The following TUSC3 variants were observed in gnomAD, a reference collection of about 807,000 sequenced individuals.
TUSC3 encodes the protein dolichyl-diphosphooligosaccharide--protein glycosyltransferase subunit TUSC3.
TUSC3 carries 45 observed loss-of-function variants against 44.8 expected under a neutral mutation model. That is an observed-to-expected ratio of 1.00 (90% CI 0.79 to 1.29). The LOEUF is 1.29. Among genes scored for constraint, TUSC3 ranks in the 50% most tolerant of loss-of-function variants. TUSC3 has a pLI of 0.00. For missense variants in TUSC3, 519 were observed against 437.9 expected, an observed-to-expected ratio of 1.19 and a Z score of -1.65; for synonymous variants, 212 against 152.9, an observed-to-expected ratio of 1.39 and a Z score of -2.85.
At chr8:15,582,727 G>C (rs1274750638) in intron 1 of TUSC3, among the ~76,000 whole-genome samples, 1 of 152,180 alleles carries the variant, frequency 6.6e-6, no homozygotes, top group African/African-American at 2.4e-5. Flanking sequence ...GGTGTAACCT[G>C]AAACCAGTTT....
At position 15,532,798 on chromosome 8, in the gene TUSC3, T is replaced by A. The variant is rs959367123; in HGVS notation, n.189+49315T>A. On this transcript the variant is annotated intron_variant and non_coding_transcript_variant, in intron 2 of 5. Coordinates refer to the TUSC3 transcript ENST00000503191. The stretch of plus-strand genomic sequence containing the variant: ...ATGATAATGAATAAGTCTTATGAGA[T>A]CTGATGGTTTTTAGAGACAGTTTCG... 2.0e-5 allele frequency among the ~76,000 whole-genome samples: 3 copies of A among 152,180 alleles called. No homozygotes were observed. In the South Asian group the frequency reaches 6.2e-4, roughly 32 times the overall value.
At chr8:15,641,503 A>C (rs2129171896) in intron 2 of TUSC3, among the ~76,000 whole-genome samples, 1 of 152,338 alleles carries the variant, frequency 6.6e-6, no homozygotes, top group East Asian at 1.9e-4. Context: ...AGACACTAGA[A>C]GTAAGGTCTG....
chr8:15,850,572 C>G, the TUSC3 span, among the ~76,000 whole-genome samples: 1 of 152,202 alleles, frequency 6.6e-6, no homozygotes, highest in Admixed American at 6.6e-5. Flanking sequence ...TCATCTCTTT[C>G]CCCTATTTGT....
chr8:15,583,535 T>A (rs1051071074), intron 1 of TUSC3, among the ~76,000 whole-genome samples: 4 of 152,192 alleles, frequency 2.6e-5, no homozygotes, highest in Admixed American at 2.6e-4. Flanking sequence ...TTTTTCTTTG[T>A]AGCTCCAGAG....
At chr8:15,820,483 C>A in the TUSC3 span, among the ~76,000 whole-genome samples, 1 of 151,972 alleles carries the variant, frequency 6.6e-6, no homozygotes, top group African/African-American at 2.4e-5. Flanking sequence ...CCACGCCCAG[C>A]TAATTTTTGT....
intron 2 of TUSC3, among the ~76,000 whole-genome samples, chr8:15,503,115 G>C (rs558770155): frequency 6.6e-6 from 1 of 152,114 alleles, no homozygotes; most frequent in African/African-American, 2.4e-5. Flanking sequence ...CGGAATGTGA[G>C]TGTATTTGGA....
Position 15,673,813 on chromosome 8 carries a change from A to G in TUSC3, c.775A>G (p.Lys259Glu). 1 of 1,612,716 alleles carries G rather than the reference A, an allele frequency of 6.2e-7. No homozygotes were observed. The highest frequency in any genetic ancestry group is 1.1e-5 in the South Asian group (1 of 91,058). The change falls in exon 6 of 11, where the codon AAG (lysine) becomes GAG (glutamate). Residue 259 changes from lysine (K) to glutamate (E), a missense_variant. Transcript: ENST00000503731. Reference sequence around the variant, plus strand: ...TATCCGTGGACCTCCATATGCTCATAAGAACCCACACAATGGACAAGTGGT... The same window carrying G: ...TATCCGTGGACCTCCATATGCTCATGAGAACCCACACAATGGACAAGTGGT... ...NHIRGPPYAH[K>E]NPHNGQVSYI...
At chr8:15,597,461 T>C (rs1804119421) in intron 1 of TUSC3, among the ~76,000 whole-genome samples, 1 of 152,148 alleles carries the variant, frequency 6.6e-6, no homozygotes, top group African/African-American at 2.4e-5. Context: ...AACATTGATG[T>C]ATTTTTTCTT....
At chr8:15,530,400 A>T (rs1244856584) in intron 2 of TUSC3, among the ~76,000 whole-genome samples, 2 of 152,164 alleles carry the variant, frequency 1.3e-5, no homozygotes, top group Non-Finnish European at 2.9e-5. Flanking sequence ...TCATAATGGG[A>T]GTTAATATGT....
chr8:15,648,618 C>T (rs900984012), intron 2 of TUSC3, among the ~76,000 whole-genome samples: 1 of 147,518 alleles, frequency 6.8e-6, no homozygotes, highest in Non-Finnish European at 1.5e-5. Context: ...CCCAGCTACT[C>T]GGGAGGCTGA....
At chr8:15,523,645 T>C (rs1801327368) in intron 2 of TUSC3, among the ~76,000 whole-genome samples, 1 of 4,698 alleles carries the variant, frequency 2.1e-4, no homozygotes, top group East Asian at 3.8e-3. Flanking sequence ...AAAACATATA[T>C]ATATATATAT....
chr8:15,497,034 G>T (rs1482047954), intron 2 of TUSC3, among the ~76,000 whole-genome samples: 1 of 152,148 alleles, frequency 6.6e-6, no homozygotes, highest in East Asian at 1.9e-4. Flanking sequence ...GGAAGCAGAT[G>T]ATGAGAAATA....
chr8:15,577,859 T>C (rs1456881283), intron 1 of TUSC3, among the ~76,000 whole-genome samples: 2 of 150,742 alleles, frequency 1.3e-5, no homozygotes, highest in African/African-American at 4.9e-5. Flanking sequence ...GGAAAGTCAT[T>C]GGTAGCTTGA....
At chr8:15,537,686 C>G (rs1157754757), upstream of TUSC3, among the ~76,000 whole-genome samples, 3 of 152,056 alleles carry the variant, frequency 2.0e-5, no homozygotes, top group African/African-American at 7.3e-5. Flanking sequence ...ATAAAGGCAG[C>G]ATGTTTGGGG....
the TUSC3 span, chr8:15,806,952 G>C: frequency 1.4e-6 from 2 of 1,463,508 alleles, no homozygotes; most frequent in Non-Finnish European, 1.9e-6. Flanking sequence ...CATAACTCTC[G>C]TGTTCATCAA....
At chr8:15,501,242 C>A (rs1344022489) in intron 2 of TUSC3, among the ~76,000 whole-genome samples, 1 of 152,128 alleles carries the variant, frequency 6.6e-6, no homozygotes, top group Admixed American at 6.6e-5. Flanking sequence ...TCTGGACTTT[C>A]CTTCTCTTTA....
intron 6 of TUSC3, among the ~76,000 whole-genome samples, chr8:15,715,573 G>A (rs1810024971): frequency 1.3e-5 from 2 of 152,044 alleles, no homozygotes; most frequent in Non-Finnish European, 2.9e-5. Flanking sequence ...TAAAGCATAT[G>A]AATTGTTTAC....
Position 15,523,928 on chromosome 8 carries a change from C to G in TUSC3, n.189+40445C>G, listed in dbSNP as rs553521227. Among the ~76,000 whole-genome samples, 24 of 151,176 alleles carry G rather than the reference C, an allele frequency of 1.6e-4. 1 individual carries two copies. In the Middle Eastern group the frequency reaches 0.01, roughly 65 times the overall value. On this transcript the variant is annotated intron_variant and non_coding_transcript_variant, in intron 2 of 5. Coordinates refer to the TUSC3 transcript ENST00000503191. ...AAAATTAGCTGGGGGTGGTGGCGCG[C>G]ACCTGTAGTCCCATCTACTCGGGAG... is the stretch of plus-strand genomic sequence containing the variant.
chr8:15,794,192 C>A, the TUSC3 span, among the ~76,000 whole-genome samples: 2 of 152,144 alleles, frequency 1.3e-5, no homozygotes, highest in East Asian at 1.9e-4. Context: ...ATCATTTGGG[C>A]CTTTGAGAAA....
Sources: gnomAD v4.1 joint callset for allele counts (sites outside exome capture counted in the v4.1 genomes callset) on GRCh38, gnomAD v4.1.1 for gene constraint, MANE v1.5 for transcripts, NCBI Gene and HGNC (gene_info 2026-07-23, HGNC 2026-07-21) for gene names.